CHODL: variants seen among roughly 807,000 people sequenced by gnomAD.
The protein encoded by CHODL is chondrolectin.
A neutral mutation model predicts 34.5 loss-of-function variants in CHODL; 29 were observed. The ratio of observed to expected loss-of-function variants is 0.84; its 90% confidence interval spans 0.63 to 1.15. The LOEUF (loss-of-function observed/expected upper bound fraction) is 1.15. CHODL is among the 50% of genes most tolerant of loss of function. The pLI is 0.00. For synonymous variants in CHODL, 125 were observed against 116.1 expected, an observed-to-expected ratio of 1.08 and a Z score of -0.49; for missense variants, 332 against 332.5, an observed-to-expected ratio of 1.00 and a Z score of 0.01.
At chr21:17,973,763 C>T (rs375612013) in intron 1 of CHODL, among the ~76,000 whole-genome samples, 1 of 150,156 alleles carries the variant, frequency 6.7e-6, no homozygotes, top group African/African-American at 2.5e-5. Context: ...AATCCACAGA[C>T]TTCTTACTAA....
At chr21:18,263,669 T>C (rs960257430) in intron 5 of CHODL, among the ~76,000 whole-genome samples, 1 of 152,194 alleles carries the variant, frequency 6.6e-6, no homozygotes, top group Non-Finnish European at 1.5e-5. Flanking sequence ...TATAAGAGCA[T>C]GTTTGCTAGA....
At chr21:17,984,043 T>A (rs2146379119) in intron 1 of CHODL, among the ~76,000 whole-genome samples, 1 of 152,298 alleles carries the variant, frequency 6.6e-6, no homozygotes, top group Middle Eastern at 3.4e-3. Flanking sequence ...TTATCTAGCA[T>A]AAACTTAAGA....
chr21:18,074,779 C>G (rs1309144018), intron 2 of CHODL, among the ~76,000 whole-genome samples: 1 of 152,104 alleles, frequency 6.6e-6, no homozygotes, highest in Non-Finnish European at 1.5e-5. Flanking sequence ...CAGGCTGAGT[C>G]AGAGAAAATT....
chr21:18,243,387 C>T (rs73318220), upstream of CHODL, among the ~76,000 whole-genome samples: 1 of 151,994 alleles, frequency 6.6e-6, no homozygotes, highest in Non-Finnish European at 1.5e-5. Context: ...GTCTGTTTCT[C>T]GTGAATAATT....
intron 2 of CHODL, among the ~76,000 whole-genome samples, chr21:18,060,158 T>A (rs961338167): frequency 6.6e-6 from 1 of 152,008 alleles, no homozygotes; most frequent in African/African-American, 2.4e-5. Context: ...GGGGACACCT[T>A]TAAAATGTCA....
intron 2 of CHODL, among the ~76,000 whole-genome samples, chr21:18,109,577 T>C (rs1491783): frequency 0.83 from 126,374 of 152,092 alleles, 53,341 homozygotes; most frequent in Non-Finnish European, 0.9. Context: ...GCTGTAGTCC[T>C]GTCTGCTGTT....
chr21:17,998,685 TC>T (rs2063875394), intron 1 of CHODL, among the ~76,000 whole-genome samples: 2 of 152,222 alleles, frequency 1.3e-5, no homozygotes, highest in Admixed American at 6.5e-5. Flanking sequence ...GCTTCCACCC[TC>T]TGAAGCCACA....
At chr21:18,102,022 G>A (rs904937694) in intron 2 of CHODL, among the ~76,000 whole-genome samples, 10 of 152,144 alleles carry the variant, frequency 6.6e-5, no homozygotes, top group African/African-American at 2.2e-4. Context: ...AATCAATACT[G>A]ATTAATGTTA....
At chr21:18,073,380 C>T (rs2064828664) in intron 2 of CHODL, among the ~76,000 whole-genome samples, 1 of 152,018 alleles carries the variant, frequency 6.6e-6, no homozygotes, top group African/African-American at 2.4e-5. Flanking sequence ...GTAGTTTTAC[C>T]TTAATAAATA....
chr21:18,044,489 A>G (rs1241004934), intron 2 of CHODL, among the ~76,000 whole-genome samples: 2 of 151,930 alleles, frequency 1.3e-5, no homozygotes, highest in East Asian at 3.9e-4. Context: ...AACTAACAAC[A>G]TTGAATTTTC....
At chr21:18,084,348 G>T (rs1472236822) in intron 2 of CHODL, among the ~76,000 whole-genome samples, 1 of 152,074 alleles carries the variant, frequency 6.6e-6, no homozygotes, top group Non-Finnish European at 1.5e-5. Flanking sequence ...TCCTTGAAAT[G>T]TGATGTTAGG....
At chr21:17,999,259 C>A (rs889084037) in intron 1 of CHODL, among the ~76,000 whole-genome samples, 4 of 152,192 alleles carry the variant, frequency 2.6e-5, no homozygotes, top group Non-Finnish European at 2.9e-5. Context: ...TCAGCCTGGA[C>A]CTTATTGTTC....
chr21:17,918,215 T>G (rs538407783), intron 1 of CHODL, among the ~76,000 whole-genome samples: 74 of 149,876 alleles, frequency 4.9e-4, no homozygotes, highest in African/African-American at 1.8e-3. Context: ...ATATATTTTA[T>G]TTTTTACTGT....
intron 1 of CHODL, among the ~76,000 whole-genome samples, chr21:17,990,983 C>G (rs2063792617): frequency 6.6e-6 from 1 of 152,052 alleles, no homozygotes; most frequent in Admixed American, 6.5e-5. Flanking sequence ...TTCCGAGGCT[C>G]AAGTAACCAT....
chr21:17,950,313 A>G (rs1014505836), intron 1 of CHODL, among the ~76,000 whole-genome samples: 3 of 152,072 alleles, frequency 2.0e-5, no homozygotes, highest in Admixed American at 6.5e-5. Flanking sequence ...GTATATAATA[A>G]TTCAAGGAAG....
intron 1 of CHODL, among the ~76,000 whole-genome samples, chr21:18,015,929 G>A (rs1183374550): frequency 2.0e-5 from 3 of 152,108 alleles, no homozygotes; most frequent in Non-Finnish European, 2.9e-5. Context: ...ACATATGCTC[G>A]TTTGCATAAA....
intron 2 of CHODL, among the ~76,000 whole-genome samples, chr21:18,122,818 C>T (rs888670470): frequency 8.5e-5 from 13 of 152,104 alleles, no homozygotes; most frequent in South Asian, 4.1e-4. Context: ...ATTTATCTAC[C>T]TAGTTTGTCC....
chr21:18,012,211 C>A (rs2064025730), intron 1 of CHODL, among the ~76,000 whole-genome samples: 1 of 152,180 alleles, frequency 6.6e-6, no homozygotes, highest in Admixed American at 6.5e-5. Context: ...TCTTCCCAGA[C>A]AACAAAACTA....
At chr21:18,143,822 A>G (rs1411680031) in intron 2 of CHODL, among the ~76,000 whole-genome samples, 1 of 152,080 alleles carries the variant, frequency 6.6e-6, no homozygotes, top group Non-Finnish European at 1.5e-5. Context: ...ATTTATGAAA[A>G]ATTACTTCCT....
Sources: allele counts gnomAD v4.1 joint callset (sites outside exome capture counted in the v4.1 genomes callset), GRCh38; gene constraint gnomAD v4.1.1; transcripts MANE v1.5; gene names NCBI Gene and HGNC (gene_info 2026-07-23, HGNC 2026-07-21).